Variants in CAMK1D observed in about 807,000 individuals in gnomAD.
CAMK1D encodes the protein calcium/calmodulin dependent protein kinase ID.
In CAMK1D, 9 loss-of-function variants were observed where a neutral mutation model predicts 47.7. The observed-to-expected ratio is 0.19, with a 90% CI of 0.11 to 0.33. The LOEUF (loss-of-function observed/expected upper bound fraction) is 0.33. CAMK1D is among the 10% of genes least tolerant of loss of function. CAMK1D has a pLI of 1.00. For missense variants in CAMK1D, 291 were observed against 488.7 expected, an observed-to-expected ratio of 0.60 and a Z score of 3.81; for synonymous variants, 184 against 184.9, an observed-to-expected ratio of 0.99 and a Z score of 0.04.
intron 2 of CAMK1D, among the ~76,000 whole-genome samples, chr10:12,554,625 C>G (rs1426723247): frequency 6.6e-6 from 1 of 152,106 alleles, no homozygotes; most frequent in Non-Finnish European, 1.5e-5. Flanking sequence ...GCAGCCTCAA[C>G]TCTTGAGCTC....
chr10:12,422,670 AT>A (rs112592899), intron 1 of CAMK1D, among the ~76,000 whole-genome samples: 4,267 of 146,314 alleles, frequency 0.029, 168 homozygotes, highest in African/African-American at 0.087. Context: ...GGTTAATATA[AT>A]TTTTTTTTTT....
At chr10:12,779,457 A>G (rs3781073) in intron 5 of CAMK1D, among the ~76,000 whole-genome samples, 34,434 of 151,998 alleles carry the variant, frequency 0.23, 4,108 homozygotes, top group East Asian at 0.46. Flanking sequence ...TTCAAGAGAC[A>G]GGGTCTCTGT....
chr10:12,816,777 C>G (rs976990823), intron 8 of CAMK1D, among the ~76,000 whole-genome samples: 2 of 148,506 alleles, frequency 1.3e-5, no homozygotes, highest in African/African-American at 2.5e-5. Flanking sequence ...AAGGCTGAGT[C>G]AGGACAATCG....
intron 1 of CAMK1D, among the ~76,000 whole-genome samples, chr10:12,424,492 A>G (rs1331651287): frequency 6.6e-6 from 1 of 151,724 alleles, no homozygotes; most frequent in Non-Finnish European, 1.5e-5. Flanking sequence ...AAACATGCAT[A>G]CTCACCCCTG....
At chr10:12,616,504 TG>T (rs748765950) in intron 2 of CAMK1D, among the ~76,000 whole-genome samples, 22 of 70,102 alleles carry the variant, frequency 3.1e-4, no homozygotes, top group Non-Finnish European at 1.0e-3. Flanking sequence ...TTTGTTTGTT[TG>T]TTTTTTGTTG....
chr10:12,807,436 G>A (rs557018561), intron 6 of CAMK1D, among the ~76,000 whole-genome samples: 1 of 152,266 alleles, frequency 6.6e-6, no homozygotes, highest in South Asian at 2.1e-4. Flanking sequence ...TTCTTTTAGT[G>A]TTCAGTTGAA....
chr10:12,640,378 G>A (rs972161234), intron 2 of CAMK1D, among the ~76,000 whole-genome samples: 8 of 152,110 alleles, frequency 5.3e-5, no homozygotes, highest in African/African-American at 1.9e-4. Flanking sequence ...TGCCTAGGTC[G>A]TCTCACTGCA....
intron 1 of CAMK1D, among the ~76,000 whole-genome samples, chr10:12,479,531 T>C (rs373067523): frequency 4.6e-5 from 7 of 152,178 alleles, no homozygotes; most frequent in Non-Finnish European, 7.4e-5. Context: ...CCAGCAGTGC[T>C]GCTGCTGCCG....
intron 1 of CAMK1D, among the ~76,000 whole-genome samples, chr10:12,522,914 GGGGCTGACCCCCCACCTGCCTCCC>G (rs1835478031): frequency 3.7e-5 from 3 of 81,732 alleles, no homozygotes; most frequent in African/African-American, 1.4e-4. Flanking sequence ...TGGCCGGGCG[GGGGCTGACCCCCCACCTGCCTCCC>G]AGACGGGGCG....
intron 2 of CAMK1D, among the ~76,000 whole-genome samples, chr10:12,577,455 T>C: frequency 6.6e-6 from 1 of 152,252 alleles, no homozygotes; most frequent in East Asian, 1.9e-4. Context: ...GCACATTGCT[T>C]TTCTTCTTTA....
intron 2 of CAMK1D, among the ~76,000 whole-genome samples, chr10:12,613,767 C>T (rs1050361879): frequency 3.3e-5 from 5 of 152,204 alleles, no homozygotes; most frequent in African/African-American, 4.8e-5. Flanking sequence ...CATGAGCCGC[C>T]GCACCCGGCC....
chr10:12,778,130 A>G (rs1588915486), intron 5 of CAMK1D, among the ~76,000 whole-genome samples: 1 of 152,238 alleles, frequency 6.6e-6, no homozygotes, highest in African/African-American at 2.4e-5. Context: ...GACTTTTGAT[A>G]GGTCGAAGTG....
rs186235842 is a variant in CAMK1D, at chr10:12,680,965, C to G, written c.299+14155C>G. Among the ~76,000 whole-genome samples the G allele has an allele frequency of 1.4e-3, 218 of 152,184 alleles. 2 individuals carry two copies. Among genetic ancestry groups the G allele is most frequent in the Middle Eastern group, 0.014 (4 of 294 alleles). Reference sequence around the variant, plus strand: ...CTGGCCTGCCTTCCTTGTTTCTGCCCCTCCTGACCTCTGACCACTTAACTT... The same window carrying G: ...CTGGCCTGCCTTCCTTGTTTCTGCCGCTCCTGACCTCTGACCACTTAACTT... On this transcript the variant is annotated intron_variant, in intron 3 of 10. Coordinates refer to ENST00000619168, the MANE Select transcript of CAMK1D (RefSeq NM_153498.4).
At chr10:12,688,967 G>A (rs1832765445) in intron 3 of CAMK1D, among the ~76,000 whole-genome samples, 1 of 152,220 alleles carries the variant, frequency 6.6e-6, no homozygotes, top group African/African-American at 2.4e-5. Context: ...ATAGGCGTGA[G>A]CCACCACGCC....
At chr10:12,465,526 TG>T (rs1833565105) in intron 1 of CAMK1D, among the ~76,000 whole-genome samples, 1 of 152,182 alleles carries the variant, frequency 6.6e-6, no homozygotes, top group Non-Finnish European at 1.5e-5. Context: ...ATCTAATTTT[TG>T]TATTTTTAGT....
At chr10:12,796,904 A>G (rs965866998) in intron 6 of CAMK1D, among the ~76,000 whole-genome samples, 1 of 152,230 alleles carries the variant, frequency 6.6e-6, no homozygotes, top group African/African-American at 2.4e-5. Context: ...GAGAAAAAAA[A>G]AGACTGGACT....
intron 5 of CAMK1D, among the ~76,000 whole-genome samples, chr10:12,781,406 TC>T (rs1837485617): frequency 6.6e-6 from 1 of 152,284 alleles, no homozygotes; most frequent in South Asian, 2.1e-4. Flanking sequence ...GTTGACTTCC[TC>T]CATCCCGCGG....
intron 3 of CAMK1D, among the ~76,000 whole-genome samples, chr10:12,757,359 T>C (rs1416536428): frequency 6.6e-6 from 1 of 152,206 alleles, no homozygotes; most frequent in Non-Finnish European, 1.5e-5. Context: ...TCTAACTTCA[T>C]TCTGATGCTT....
intron 1 of CAMK1D, among the ~76,000 whole-genome samples, chr10:12,395,517 G>C (rs1395977259): frequency 1.3e-5 from 2 of 152,102 alleles, no homozygotes; most frequent in Non-Finnish European, 2.9e-5. Flanking sequence ...ATATTTTTCA[G>C]TATCATAAAG....
Sources: allele counts gnomAD v4.1 joint callset (sites outside exome capture counted in the v4.1 genomes callset), GRCh38; gene constraint gnomAD v4.1.1; transcripts MANE v1.5; gene names NCBI Gene and HGNC (gene_info 2026-07-23, HGNC 2026-07-21).